CSMD3: variants seen among roughly 807,000 people sequenced by gnomAD.
The protein encoded by CSMD3 is CUB and Sushi multiple domains 3, also known as CUB and sushi domain-containing protein 3.
CSMD3 carries 177 observed loss-of-function variants against 435.2 expected under a neutral mutation model. The ratio of observed to expected loss-of-function variants is 0.41; its 90% CI spans 0.36 to 0.46. The LOEUF (loss-of-function observed/expected upper bound fraction) is 0.46. CSMD3 is among the 20% of genes least tolerant of loss of function. CSMD3 has a pLI of 0.34. For missense variants in CSMD3, 4,265 were observed against 4,504.6 expected (o/e 0.95, Z 1.52); for synonymous variants, 1,656 against 1,520.5 (o/e 1.09, Z -2.07).
chr8:113,063,820 A>G (rs2088723065), intron 5 of CSMD3, among the ~76,000 whole-genome samples: 1 of 151,922 alleles, frequency 6.6e-6, no homozygotes, highest in African/African-American at 2.4e-5. Context: ...TAATATCAGA[A>G]TTATGATTTT....
At chr8:112,397,257 G>A (rs1830932358) in intron 35 of CSMD3, among the ~76,000 whole-genome samples, 1 of 152,282 alleles carries the variant, frequency 6.6e-6, no homozygotes, top group East Asian at 1.9e-4. Context: ...TCTTCTGAAT[G>A]TCATTTAGAA....
rs1040014770 is a variant in CSMD3, at chr8:113,436,230, A to T, written c.178+447T>A. Among the ~76,000 whole-genome samples, 9 of 152,174 alleles carry T rather than the reference A, an allele frequency of 5.9e-5. No individual in the cohort carries two copies. In the South Asian group the frequency reaches 8.3e-4, roughly 14 times the overall value. On this transcript the variant is annotated intron_variant, in intron 1 of 70. Transcript: ENST00000297405. The stretch of plus-strand genomic sequence containing the variant: ...GCCCTAATGCATTTAAAATCAACAC[A>T]TTCCTAGCACGTCGATAACTTTCTT...
intron 38 of CSMD3, among the ~76,000 whole-genome samples, chr8:112,353,495 T>C (rs1324406959): frequency 6.6e-6 from 1 of 152,186 alleles, no homozygotes; most frequent in Non-Finnish European, 1.5e-5. Context: ...AACAATGTAA[T>C]TCAAAACACT....
chr8:112,410,506 A>ATATG (rs1431606897), intron 32 of CSMD3, among the ~76,000 whole-genome samples: 4 of 141,852 alleles, frequency 2.8e-5, no homozygotes, highest in Non-Finnish European at 6.1e-5. Flanking sequence ...ATATATATAT[A>ATATG]TATATATATA....
At chr8:112,478,582 A>G (rs1819304436) in intron 31 of CSMD3, among the ~76,000 whole-genome samples, 1 of 152,162 alleles carries the variant, frequency 6.6e-6, no homozygotes, top group South Asian at 2.1e-4. Flanking sequence ...GTCTTTGGGT[A>G]TCTGGCAGAA....
At chr8:112,261,811 T>G (rs1267157467) in intron 61 of CSMD3, among the ~76,000 whole-genome samples, 1 of 152,050 alleles carries the variant, frequency 6.6e-6, no homozygotes, top group Non-Finnish European at 1.5e-5. Context: ...ATATCCTCAC[T>G]AATACTTGAT....
chr8:113,264,810 A>G (rs2093455294), intron 3 of CSMD3, among the ~76,000 whole-genome samples: 1 of 151,288 alleles, frequency 6.6e-6, no homozygotes, highest in African/African-American at 2.4e-5. Context: ...AATATAGCTC[A>G]TGTCTGCCTT....
intron 6 of CSMD3, among the ~76,000 whole-genome samples, chr8:112,981,792 C>A (rs1341519078): frequency 6.6e-6 from 1 of 151,562 alleles, no homozygotes; most frequent in Non-Finnish European, 1.5e-5. Context: ...ACATGCCAAG[C>A]AACCATAAAT....
chr8:113,355,369 G>A (rs1480838565), intron 1 of CSMD3, among the ~76,000 whole-genome samples: 1 of 151,866 alleles, frequency 6.6e-6, no homozygotes, highest in Non-Finnish European at 1.5e-5. Flanking sequence ...GTCTTAAACA[G>A]CAAAGGTTTA....
intron 24 of CSMD3, among the ~76,000 whole-genome samples, chr8:112,561,727 T>A (rs1828639482): frequency 6.6e-6 from 1 of 151,746 alleles, no homozygotes. Context: ...CTTGCACATA[T>A]TTTTTATTAC....
intron 22 of CSMD3, among the ~76,000 whole-genome samples, chr8:112,615,013 A>G (rs1833555284): frequency 6.6e-6 from 1 of 151,758 alleles, no homozygotes; most frequent in Admixed American, 6.6e-5. Flanking sequence ...AAGAAAAAAA[A>G]ACTGTACTCA....
chr8:113,167,223 T>C (rs2092169148), intron 4 of CSMD3, among the ~76,000 whole-genome samples: 2 of 152,192 alleles, frequency 1.3e-5, no homozygotes, highest in Admixed American at 1.3e-4. Context: ...TAACAAGTGA[T>C]AGCTATTACT....
chr8:112,579,890 C>T (rs559649091), intron 23 of CSMD3, among the ~76,000 whole-genome samples: 4 of 152,144 alleles, frequency 2.6e-5, no homozygotes, highest in Admixed American at 6.6e-5. Flanking sequence ...ACTTTACTGG[C>T]TTTTCTCCAT....
At chr8:113,222,189 T>A (rs1460875594) in intron 3 of CSMD3, among the ~76,000 whole-genome samples, 1 of 151,284 alleles carries the variant, frequency 6.6e-6, no homozygotes, top group Admixed American at 6.6e-5. Context: ...AAAATTCTTA[T>A]TTTCTATAAT....
intron 4 of CSMD3, among the ~76,000 whole-genome samples, chr8:113,128,369 AT>A (rs1238329364): frequency 1.6e-4 from 24 of 152,012 alleles, no homozygotes; most frequent in East Asian, 5.8e-4. Flanking sequence ...AATCCATAAA[AT>A]TTTTTTTTAT....
In CSMD3 at chr8:113,436,834, C is replaced by A. The variant is rs532637489; in HGVS notation, c.21G>T (p.Gly7=). The change falls in exon 1 of 71, where the codon GGG becomes GGT. Residue 7 remains glycine, a synonymous_variant. Coordinates refer to ENST00000297405, the MANE Select transcript of CSMD3 (RefSeq NM_198123.2). MKGIRK[G]ESRAKESKPW... The stretch of plus-strand genomic sequence containing the variant: ...GTTTGGATTCCTTTGCTCGGCTTTC[C>A]CCTTTGCGGATCCCTTTCATATTAT... 1.2e-6 allele frequency: 2 copies of A among 1,614,110 alleles called. No individual in the cohort carries two copies. Among genetic ancestry groups the A allele is most frequent in the Non-Finnish European group, 1.7e-6 (2 of 1,180,042 alleles).
intron 12 of CSMD3, among the ~76,000 whole-genome samples, chr8:112,817,269 G>T (rs945069179): frequency 2.0e-5 from 3 of 152,058 alleles, no homozygotes; most frequent in Non-Finnish European, 4.4e-5. Flanking sequence ...CTCTTGGTCT[G>T]CTGTATGCAG....
chr8:112,345,801 T>C (rs555575076), intron 41 of CSMD3, among the ~76,000 whole-genome samples: 1 of 152,132 alleles, frequency 6.6e-6, no homozygotes, highest in East Asian at 1.9e-4. Flanking sequence ...TTTCAAAACA[T>C]CATGTTGTAC....
At chr8:112,995,685 C>A (rs1235211420) in intron 6 of CSMD3, among the ~76,000 whole-genome samples, 2 of 151,078 alleles carry the variant, frequency 1.3e-5, no homozygotes, top group African/African-American at 4.8e-5. Context: ...CAAAACTAGT[C>A]AAAAGAAAAA....
Sources: allele counts gnomAD v4.1 joint callset (sites outside exome capture counted in the v4.1 genomes callset), GRCh38; gene constraint gnomAD v4.1.1; transcripts MANE v1.5; gene names NCBI Gene and HGNC (gene_info 2026-07-23, HGNC 2026-07-21).